The following C16orf89 variants were observed in gnomAD, a reference collection of about 807,000 sequenced individuals.
C16orf89 encodes chromosome 16 open reading frame 89.
Under a neutral mutation model 41.5 loss-of-function variants are expected in C16orf89, and 57 were observed. The observed-to-expected ratio is 1.38, with a 90% CI of 1.11 to 1.71. C16orf89 has a LOEUF of 1.71. Among genes scored for constraint, C16orf89 ranks in the 40% most tolerant of loss-of-function variants. The probability of loss-of-function intolerance (pLI) is 0.00; values close to 1 mark genes in which losing one functional copy is unlikely to be tolerated. For missense variants in C16orf89, 575 were observed against 445.9 expected, an observed-to-expected ratio of 1.29 and a Z score of -2.61; for synonymous variants, 223 against 190.6, an observed-to-expected ratio of 1.17 and a Z score of -1.40.
At chr16:5,060,462 G>A (rs753537031) in intron 2 of C16orf89, 26 bp from the exon 3 acceptor site, 18 of 1,600,812 alleles carry the variant, frequency 1.1e-5, no homozygotes, top group Non-Finnish European at 1.4e-5. Context: ...GATAGATGGG[G>A]TGGGGTGTGG....
chr16:5,044,715 G>A (rs375209864), intron 7 of C16orf89: 12 of 975,154 alleles, frequency 1.2e-5, no homozygotes, highest in African/African-American at 1.0e-4. Flanking sequence ...ATGGTGGCAC[G>A]CTCCTGTAGT....
intron 2 of C16orf89, among the ~76,000 whole-genome samples, chr16:5,062,156 C>T (rs374376155): frequency 5.9e-5 from 9 of 152,312 alleles, no homozygotes; most frequent in African/African-American, 2.2e-4. Flanking sequence ...ACCAGGACCT[C>T]CAGCTTGTGC....
At chr16:5,049,676 G>T (rs1346622083) in intron 6 of C16orf89, among the ~76,000 whole-genome samples, 2 of 152,098 alleles carry the variant, frequency 1.3e-5, no homozygotes, top group Non-Finnish European at 2.9e-5. Context: ...AACACAATAT[G>T]CCAAAACCTA....
intron 6 of C16orf89, among the ~76,000 whole-genome samples, chr16:5,053,126 T>G (rs1349234324): frequency 2.6e-5 from 4 of 152,062 alleles, no homozygotes; most frequent in African/African-American, 4.8e-5. Context: ...TCCCAGCACT[T>G]TGGGAGGCCG....
At chr16:5,064,080 G>C (rs1956686114) in intron 1 of C16orf89, among the ~76,000 whole-genome samples, 1 of 151,988 alleles carries the variant, frequency 6.6e-6, no homozygotes, top group Non-Finnish European at 1.5e-5. Flanking sequence ...AGCTGAGGTG[G>C]CACCACTGCA....
chr16:5,055,908 T>C (rs1301046101), intron 5 of C16orf89, 145 bp downstream of exon 5: 3 of 1,266,028 alleles, frequency 2.4e-6, no homozygotes, highest in African/African-American at 2.9e-5. Context: ...CTGAGCACTC[T>C]GTATTTTTAC....
rs148048145 is a variant in C16orf89, at chr16:5,056,385, C to T, written c.628-197G>A. 3.0e-4 allele frequency among the ~76,000 whole-genome samples: 46 copies of T among 152,298 alleles called. 1 individual carries two copies. Among genetic ancestry groups the T allele is most frequent in the Admixed American group, 1.5e-3 (23 of 15,294 alleles). ...CCCCCAGCCTGCTGGGTTCGAGATC[C>T]AGCTCTGCCACTTAGGAGCAAACCA... On this transcript the variant is annotated intron_variant, in intron 4 of 7. Coordinates refer to ENST00000472572, the MANE Select transcript of C16orf89 (RefSeq NM_001098514.3).
chr16:5,053,937 A>T (rs940333533), intron 6 of C16orf89, among the ~76,000 whole-genome samples: 6 of 152,230 alleles, frequency 3.9e-5, no homozygotes, highest in Admixed American at 1.3e-4. Flanking sequence ...CATATTGTAT[A>T]CATGTATGGA....
At chr16:5,050,012 C>G (rs1956369003) in intron 6 of C16orf89, among the ~76,000 whole-genome samples, 1 of 152,120 alleles carries the variant, frequency 6.6e-6, no homozygotes, top group Non-Finnish European at 1.5e-5. Flanking sequence ...GGAACTTTTA[C>G]AGCTGATACC....
In C16orf89 at chr16:5,044,169, C is replaced by G; in HGVS notation, c.*179G>C. On this transcript the variant is annotated 3_prime_UTR_variant, in exon 8 of 8. Coordinates refer to ENST00000472572, the MANE Select transcript of C16orf89 (RefSeq NM_001098514.3). ...CATCCGTTCACACCTGGGTCCCTCC[C>G]GGCCCCCACCTACCCTGGCCTTGCC... is the stretch of plus-strand genomic sequence containing the variant. 1.5e-6 allele frequency: 2 copies of G among 1,362,076 alleles called. No homozygotes were observed. The highest frequency in any genetic ancestry group is 9.4e-7 in the Non-Finnish European group (1 of 1,061,666). The allele number at this position is 1,362,076 out of a possible 1,614,324, so 84.4% of individuals were successfully genotyped here.
In C16orf89 at chr16:5,059,902, C is replaced by A. The variant is rs190738568; in HGVS notation, c.509+384G>T. Reference sequence around the variant, plus strand: ...GAGGATGGGCAGACTTCCTGAGGCCCAGGGGGTGGAGTGGGTGGGGTGGGG... The same window carrying A: ...GAGGATGGGCAGACTTCCTGAGGCCAAGGGGGTGGAGTGGGTGGGGTGGGG... On this transcript the variant is annotated intron_variant, in intron 3 of 7. Coordinates refer to ENST00000472572, the MANE Select transcript of C16orf89 (RefSeq NM_001098514.3). Among the ~76,000 whole-genome samples the A allele has an allele frequency of 2.2e-3, 307 of 137,896 alleles. 3 individuals are homozygous for A. Among genetic ancestry groups the A allele is most frequent in the Middle Eastern group, 7.0e-3 (2 of 284 alleles). The allele number at this position is 137,896 out of a possible 152,430, so 90.5% of individuals were successfully genotyped here.
At position 5,062,418 on chromosome 16, in the gene C16orf89, T is replaced by C; in HGVS notation, c.358+7A>G. On this transcript the variant is annotated splice_region_variant and intron_variant, in intron 2 of 7. Transcript: ENST00000472572. ...CTGAGGGAATGGGACACCCTGCGTG[T>C]GCTCACCTCTTAGGTACTTGGGATC... 6.2e-7 allele frequency: 1 copy of C among 1,608,784 alleles called. No individual in the cohort carries two copies. Among genetic ancestry groups the C allele is most frequent in the Non-Finnish European group, 8.5e-7 (1 of 1,177,794 alleles).
intron 6 of C16orf89, among the ~76,000 whole-genome samples, chr16:5,052,898 G>C (rs1271177103): frequency 1.3e-5 from 2 of 152,156 alleles, no homozygotes; most frequent in Non-Finnish European, 2.9e-5. Context: ...CAGATGAATG[G>C]ACAGAGAAAA....
chr16:5,063,402 T>G (rs1956668429), intron 1 of C16orf89, among the ~76,000 whole-genome samples: 1 of 152,038 alleles, frequency 6.6e-6, no homozygotes, highest in Admixed American at 6.5e-5. Context: ...TCAGAGTGTC[T>G]CCTCCTGTGA....
intron 1 of C16orf89, 44 bp downstream of exon 1, chr16:5,065,657 G>A (rs763021946): frequency 2.6e-6 from 4 of 1,561,414 alleles, no homozygotes; most frequent in Non-Finnish European, 3.5e-6. Flanking sequence ...AAAGCTGAGA[G>A]CTAGCTTCCC....
At position 5,062,528 on chromosome 16, in the gene C16orf89, C is replaced by T. The variant is rs1413747984; in HGVS notation, c.255G>A (p.Leu85=). ...TCCCCACGCGCAGGCTCAGCGGCTG[C>T]AGCAGGGGCTCCTGGGCCCACTTCT... ...VREKWAQEPL[L]QPLSLRVGML... is the part of the protein sequence containing the mutation. Residue 85 remains leucine (L), a synonymous_variant, in exon 2 of 8, where the codon CTG becomes CTA. Transcript: ENST00000472572. 2 of 1,613,886 alleles carry T rather than the reference C, an allele frequency of 1.2e-6. No homozygotes were observed. The highest frequency in any genetic ancestry group is 1.1e-5 in the South Asian group (1 of 91,060).
chr16:5,061,783 A>T (rs955046315), intron 2 of C16orf89, among the ~76,000 whole-genome samples: 1 of 152,082 alleles, frequency 6.6e-6, no homozygotes, highest in Admixed American at 6.6e-5. Flanking sequence ...ACCCCCATGC[A>T]TCTGATGGGA....
chr16:5,055,102 C>T, intron 6 of C16orf89, 144 bp downstream of exon 6: 1 of 722,240 alleles, frequency 1.4e-6, no homozygotes, highest in South Asian at 1.9e-5. Flanking sequence ...CTTGTGTGTA[C>T]ACGTCTGTGT....
Position 5,064,305 on chromosome 16 carries a change from C to T in C16orf89, c.208+1396G>A, listed in dbSNP as rs1349517116. Among the ~76,000 whole-genome samples the T allele has an allele frequency of 2.0e-5, 3 of 152,242 alleles. No homozygotes were observed. The East Asian group carries it at 5.8e-4, about 29-fold the overall frequency. ...CACTGCAATGGGACGTAGACCCTGC[C>T]CACTGGGAGCTCATTGTTTAGAGAG... On this transcript the variant is annotated intron_variant, in intron 1 of 7. Coordinates refer to ENST00000472572, the MANE Select transcript of C16orf89 (RefSeq NM_001098514.3).
Sources: allele counts gnomAD v4.1 joint callset (sites outside exome capture counted in the v4.1 genomes callset), GRCh38; gene constraint gnomAD v4.1.1; transcripts MANE v1.5; gene names NCBI Gene and HGNC (gene_info 2026-07-23, HGNC 2026-07-21).